The following FAM210A variants were observed in gnomAD, a reference collection of about 807,000 sequenced individuals.
FAM210A encodes the protein mitochondrial inner membrane scaffold 1.
FAM210A carries 13 observed loss-of-function variants against 25.3 expected under a neutral mutation model. The ratio of observed to expected loss-of-function variants is 0.51; its 90% confidence interval spans 0.33 to 0.82. FAM210A has a LOEUF of 0.82. Among genes scored for constraint, FAM210A ranks in the 40% least tolerant of loss-of-function variants. The pLI is 0.02. For missense variants in FAM210A, 319 were observed against 323.2 expected (o/e 0.99, Z 0.10); for synonymous variants, 125 against 118.7 (o/e 1.05, Z -0.35).
chr18:13,723,379 T>C (rs943820919), intron 1 of FAM210A, among the ~76,000 whole-genome samples: 3 of 152,168 alleles, frequency 2.0e-5, no homozygotes, highest in Admixed American at 6.5e-5. Context: ...TAGATGTAGA[T>C]AAAAACATAA....
At chr18:13,710,885 A>G (rs2043815586) in intron 1 of FAM210A, among the ~76,000 whole-genome samples, 1 of 152,216 alleles carries the variant, frequency 6.6e-6, no homozygotes, top group African/African-American at 2.4e-5. Context: ...TGACATTAAT[A>G]AAACTCTTTG....
chr18:13,721,356 C>G (rs1430443959), intron 1 of FAM210A, among the ~76,000 whole-genome samples: 4 of 152,158 alleles, frequency 2.6e-5, no homozygotes, highest in Non-Finnish European at 5.9e-5. Flanking sequence ...TCTGGAACAG[C>G]AGCTGCAATT....
intron 1 of FAM210A, among the ~76,000 whole-genome samples, chr18:13,699,648 T>C (rs948342142): frequency 2.0e-5 from 3 of 152,222 alleles, no homozygotes; most frequent in Admixed American, 2.0e-4. Context: ...TCTGACAGGT[T>C]GCAGGAAGAA....
At chr18:13,695,371 C>T (rs1234095362) in intron 1 of FAM210A, among the ~76,000 whole-genome samples, 1 of 152,146 alleles carries the variant, frequency 6.6e-6, no homozygotes, top group African/African-American at 2.4e-5. Context: ...TGGGCATATA[C>T]CCAAAGGATT....
In FAM210A at chr18:13,663,727, G is replaced by C. The variant is rs2149048686; in HGVS notation, c.*2753C>G. ...GCTACTCAGCAGGCTGAGGTGGGAG[G>C]ATCACTTGAGCCAGGAGTTCAAGAC... On this transcript the variant is annotated 3_prime_UTR_variant, in exon 4 of 4. Coordinates refer to ENST00000651643, the MANE Select transcript of FAM210A (RefSeq NM_152352.4). 1 of 152,270 alleles carries C rather than the reference G, an allele frequency of 6.6e-6. No individual in the cohort carries two copies. The highest frequency in any genetic ancestry group is 2.1e-4 in the South Asian group (1 of 4,810). 9.4% of individuals were successfully genotyped at this position (152,270 alleles called of 1,614,324 possible).
intron 1 of FAM210A, among the ~76,000 whole-genome samples, chr18:13,686,822 T>C (rs1164856293): frequency 6.6e-6 from 1 of 152,162 alleles, no homozygotes; most frequent in Non-Finnish European, 1.5e-5. Context: ...GATCCCAGGC[T>C]GAGGTTGATT....
At chr18:13,708,897 G>A (rs2043801457) in intron 1 of FAM210A, among the ~76,000 whole-genome samples, 2 of 152,162 alleles carry the variant, frequency 1.3e-5, no homozygotes, top group South Asian at 4.1e-4. Flanking sequence ...AGATTCTACA[G>A]CACATTACTT....
At chr18:13,668,349 C>G (rs1230927619) in intron 3 of FAM210A, among the ~76,000 whole-genome samples, 2 of 152,188 alleles carry the variant, frequency 1.3e-5, no homozygotes, top group Non-Finnish European at 2.9e-5. Context: ...GGCGGCTTCT[C>G]ATTTTTGCCA....
At chr18:13,711,657 T>C (rs1196355220) in intron 1 of FAM210A, among the ~76,000 whole-genome samples, 5 of 152,240 alleles carry the variant, frequency 3.3e-5, no homozygotes, top group East Asian at 1.9e-4. Context: ...GTCTTGGTAA[T>C]AGACTCCTTT....
At chr18:13,688,263 T>A (rs569623163) in intron 1 of FAM210A, among the ~76,000 whole-genome samples, 1 of 152,168 alleles carries the variant, frequency 6.6e-6, no homozygotes, top group African/African-American at 2.4e-5. Flanking sequence ...TCTCTCCCAA[T>A]TGGTTCTTTC....
chr18:13,673,310 CTGAT>C (rs1252935395), intron 2 of FAM210A, among the ~76,000 whole-genome samples: 1 of 140,144 alleles, frequency 7.1e-6, no homozygotes, highest in Non-Finnish European at 1.5e-5. Flanking sequence ...TTCCAGTTTC[CTGAT>C]TATTAACATT....
chr18:13,681,540 G>T, intron 2 of FAM210A, 65 bp downstream of exon 2: 1 of 1,275,762 alleles, frequency 7.8e-7, no homozygotes, highest in Non-Finnish European at 1.1e-6. Flanking sequence ...GCTATCATTA[G>T]TACAATTAAA....
intron 1 of FAM210A, among the ~76,000 whole-genome samples, chr18:13,706,569 AT>A (rs1166269269): frequency 1.3e-5 from 2 of 152,212 alleles, no homozygotes; most frequent in Non-Finnish European, 2.9e-5. Flanking sequence ...TAAAGAGAAC[AT>A]TGCCAGGAGG....
At chr18:13,726,111 C>A (rs905862708) in intron 1 of FAM210A, among the ~76,000 whole-genome samples, 6 of 152,194 alleles carry the variant, frequency 3.9e-5, no homozygotes, top group African/African-American at 1.4e-4. Context: ...TGGCTCGACC[C>A]GGAAGGGCGG....
chr18:13,710,445 G>C (rs1167679226), intron 1 of FAM210A: 1 of 152,308 alleles, frequency 6.6e-6, no homozygotes, highest in East Asian at 1.9e-4. Flanking sequence ...CAGCCTCTCA[G>C]AGTGCCGGGA....
chr18:13,692,079 C>A (rs1203396241), intron 1 of FAM210A, among the ~76,000 whole-genome samples: 2 of 147,954 alleles, frequency 1.4e-5, no homozygotes, highest in African/African-American at 2.5e-5. Context: ...AAATGGAAAA[C>A]AAAAAAAAAG....
intron 1 of FAM210A, among the ~76,000 whole-genome samples, chr18:13,707,358 A>G (rs140155964): frequency 8.5e-5 from 13 of 152,328 alleles, no homozygotes; most frequent in African/African-American, 3.1e-4. Flanking sequence ...AATCTGACAT[A>G]ATCAAACTAA....
chr18:13,693,678 T>C (rs894363262), intron 1 of FAM210A, among the ~76,000 whole-genome samples: 3 of 152,190 alleles, frequency 2.0e-5, no homozygotes, highest in Non-Finnish European at 4.4e-5. Context: ...GAAAAGGCCT[T>C]TGACAAAATT....
At chr18:13,709,980 C>T (rs2043808754) in intron 1 of FAM210A, among the ~76,000 whole-genome samples, 1 of 152,178 alleles carries the variant, frequency 6.6e-6, no homozygotes, top group African/African-American at 2.4e-5. Context: ...AGCTAGCTGT[C>T]CTCACTTGTT....
Sources: gnomAD v4.1 joint callset for allele counts (sites outside exome capture counted in the v4.1 genomes callset) on GRCh38, gnomAD v4.1.1 for gene constraint, MANE v1.5 for transcripts, NCBI Gene and HGNC (gene_info 2026-07-23, HGNC 2026-07-21) for gene names.